The following TENM4 variants were observed in gnomAD, a reference collection of about 807,000 sequenced individuals.
TENM4 encodes the protein teneurin transmembrane protein 4.
A neutral mutation model predicts 243.3 loss-of-function variants in TENM4; 82 were observed. That is an observed-to-expected ratio of 0.34 (90% CI 0.28 to 0.40). The LOEUF (loss-of-function observed/expected upper bound fraction) is 0.40, where lower values mean the gene tolerates loss of function less well. Ranked by LOEUF, TENM4 falls within the 10% of genes least tolerant of loss-of-function variation. The pLI, the probability that TENM4 is intolerant of heterozygous loss-of-function variation, is 1.00. For synonymous variants in TENM4, 1,412 were observed against 1,456.3 expected (o/e 0.97, Z 0.69); for missense variants, 3,138 against 3,673.3 (o/e 0.85, Z 3.77).
chr11:79,396,550 G>C (rs1858349351), intron 1 of TENM4, among the ~76,000 whole-genome samples: 1 of 152,130 alleles, frequency 6.6e-6, no homozygotes, highest in African/African-American at 2.4e-5. Flanking sequence ...CAGCCCAACT[G>C]TTCATACCTT....
intron 1 of TENM4, among the ~76,000 whole-genome samples, chr11:79,329,898 T>C (rs1190548093): frequency 6.6e-6 from 1 of 152,190 alleles, no homozygotes; most frequent in Admixed American, 6.5e-5. Context: ...ATTTGTAAAA[T>C]ATCTCTCCAG....
At chr11:79,213,063 G>A (rs1863982807) in intron 3 of TENM4, among the ~76,000 whole-genome samples, 1 of 152,154 alleles carries the variant, frequency 6.6e-6, no homozygotes. Context: ...TCATGGGGAT[G>A]AATGGATAAT....
At chr11:78,813,779 G>A (rs1374578986) in intron 13 of TENM4, among the ~76,000 whole-genome samples, 2 of 152,156 alleles carry the variant, frequency 1.3e-5, no homozygotes, top group African/African-American at 4.8e-5. Context: ...GGCACCATTA[G>A]GGTCCTCTGT....
Position 78,770,848 on chromosome 11 carries a change from T to C in TENM4, c.2539+144A>G, listed in dbSNP as rs1036674133. On this transcript the variant is annotated intron_variant, in intron 18 of 33. Transcript: ENST00000278550. ...GATATGCACTCATCCCTAAGCCACA[T>C]GTGCAGTTTTTTGCTTGCCCCGCAG... 1.3e-5 allele frequency: 13 copies of C among 965,964 alleles called. No homozygotes were observed. In the East Asian group the frequency reaches 3.2e-4, roughly 24 times the overall value. 59.8% of individuals were successfully genotyped at this position (965,964 alleles called of 1,614,324 possible).
In TENM4 at chr11:78,777,439, A is replaced by G. The variant is rs770528236; in HGVS notation, c.2392+1163T>C. 2.8e-4 allele frequency among the ~76,000 whole-genome samples: 42 copies of G among 152,364 alleles called. 2 individuals are homozygous for G. The Middle Eastern group carries it at 0.027, about 99-fold the overall frequency. ...GCTATCTCTTATTAAAAGCCAATTT[A>G]GCCTTTTCCTTTACAGTTTCAAAAA... On this transcript the variant is annotated intron_variant, in intron 17 of 33. Coordinates refer to ENST00000278550, the MANE Select transcript of TENM4 (RefSeq NM_001098816.3).
chr11:79,051,273 T>C (rs1398261995), intron 6 of TENM4, among the ~76,000 whole-genome samples: 2 of 152,184 alleles, frequency 1.3e-5, no homozygotes, highest in Non-Finnish European at 2.9e-5. Context: ...ATTATCCCCA[T>C]TTTACGGGTG....
intron 6 of TENM4, among the ~76,000 whole-genome samples, chr11:79,012,650 G>C (rs998142617): frequency 1.3e-5 from 2 of 152,208 alleles, no homozygotes; most frequent in African/African-American, 4.8e-5. Flanking sequence ...GTAGTTTGCT[G>C]TGCTGAACGA....
At chr11:79,263,096 C>A (rs973257112) in intron 2 of TENM4, among the ~76,000 whole-genome samples, 3 of 152,214 alleles carry the variant, frequency 2.0e-5, no homozygotes, top group African/African-American at 7.2e-5. Flanking sequence ...ACTCCCGTGT[C>A]TCTCCATCTG....
chr11:79,193,532 T>C (rs918868469), intron 3 of TENM4, among the ~76,000 whole-genome samples: 3 of 152,108 alleles, frequency 2.0e-5, no homozygotes, highest in Non-Finnish European at 2.9e-5. Flanking sequence ...CTGCAAGTCA[T>C]GGTCTCTTTT....
Position 78,805,404 on chromosome 11 carries a change from G to C in TENM4, c.2067C>G (p.Cys689Trp). ...CTAAGCATGTGGCCCTGGGGGTCTCGCAGTTGGTGCCTCCCCATCCCACAG... is the reference window on the plus strand; with the variant it reads ...CTAAGCATGTGGCCCTGGGGGTCTCCCAGTTGGTGCCTCCCCATCCCACAG... ...HCSVGWGGTN[C>W]ETPRATCLDQ... The change falls in exon 15 of 34, where the codon TGC (cysteine) becomes TGG (tryptophan). Residue 689 changes from cysteine (C) to tryptophan (W), a missense_variant. Transcript: ENST00000278550. The C allele has an allele frequency of 6.2e-7, 1 of 1,605,468 alleles. No individual in the cohort carries two copies. The highest frequency in any genetic ancestry group is 1.1e-5 in the South Asian group (1 of 88,942).
chr11:79,410,314 T>C (rs1858671042), intron 1 of TENM4, among the ~76,000 whole-genome samples: 1 of 152,132 alleles, frequency 6.6e-6, no homozygotes, highest in African/African-American at 2.4e-5. Context: ...CCCCAGCACC[T>C]CTCCAGTGCT....
chr11:79,166,504 C>T (rs1015962305), intron 3 of TENM4, among the ~76,000 whole-genome samples: 1 of 152,116 alleles, frequency 6.6e-6, no homozygotes, highest in African/African-American at 2.4e-5. Flanking sequence ...TAAGAATATC[C>T]ATGATGAGGA....
At chr11:79,416,576 A>G (rs1340776714) in intron 1 of TENM4, among the ~76,000 whole-genome samples, 3 of 152,216 alleles carry the variant, frequency 2.0e-5, no homozygotes, top group Non-Finnish European at 4.4e-5. Flanking sequence ...TTATTAAGGT[A>G]CAACCCTACT....
chr11:79,193,303 G>A (rs918606541), intron 3 of TENM4: 2 of 152,232 alleles, frequency 1.3e-5, no homozygotes, highest in African/African-American at 2.4e-5. Flanking sequence ...CAGGGCAGCC[G>A]GAACTCAGGT....
At chr11:78,768,138 C>T (rs1302442710) in intron 18 of TENM4, among the ~76,000 whole-genome samples, 6 of 152,264 alleles carry the variant, frequency 3.9e-5, no homozygotes, top group African/African-American at 1.4e-4. Context: ...ACAGTCCACT[C>T]TCTATGGTTG....
chr11:78,934,124 G>A (rs1258642271), intron 6 of TENM4, among the ~76,000 whole-genome samples: 1 of 152,144 alleles, frequency 6.6e-6, no homozygotes, highest in Non-Finnish European at 1.5e-5. Context: ...GACCAATAAA[G>A]GGGGACTGAG....
intron 19 of TENM4, among the ~76,000 whole-genome samples, chr11:78,748,288 G>A (rs1856097030): frequency 6.6e-6 from 1 of 152,180 alleles, no homozygotes. Context: ...ATCCCCATGA[G>A]ATATGGATTA....
intron 26 of TENM4, among the ~76,000 whole-genome samples, chr11:78,710,860 C>T (rs140319112): frequency 1.5e-3 from 227 of 152,148 alleles, no homozygotes; most frequent in African/African-American, 5.0e-3. Context: ...GCCACGAGGG[C>T]GGGGAAGAGA....
At chr11:79,026,722 C>T (rs1035882709) in intron 6 of TENM4, among the ~76,000 whole-genome samples, 1 of 152,176 alleles carries the variant, frequency 6.6e-6, no homozygotes, top group African/African-American at 2.4e-5. Flanking sequence ...TCAATCACTC[C>T]TTGTTAGGTT....
Sources: gnomAD v4.1 joint callset for allele counts (sites outside exome capture counted in the v4.1 genomes callset) on GRCh38, gnomAD v4.1.1 for gene constraint, MANE v1.5 for transcripts, NCBI Gene and HGNC (gene_info 2026-07-23, HGNC 2026-07-21) for gene names.